TAB3: variants seen among roughly 807,000 people sequenced by gnomAD.
The protein encoded by TAB3 is TGF-beta activated kinase 1 (MAP3K7) binding protein 3.
In TAB3, 18 loss-of-function variants were observed where a neutral mutation model predicts 48.1. That is an observed-to-expected ratio of 0.37 (90% CI 0.26 to 0.55). The LOEUF (loss-of-function observed/expected upper bound fraction) is 0.55, where lower values mean the gene tolerates loss of function less well. TAB3 is among the 20% of genes least tolerant of loss of function. TAB3 has a pLI of 0.78. For synonymous variants in TAB3, 185 were observed against 190.2 expected (o/e 0.97, Z 0.22); for missense variants, 414 against 549.8 (o/e 0.75, Z 2.47).
rs1480676076 is a variant in TAB3 at position 30,828,557 on chromosome X, T to C, written c.*2870A>G. On this transcript the variant is annotated 3_prime_UTR_variant, in exon 11 of 11. Coordinates refer to ENST00000288422, the MANE Select transcript of TAB3 (RefSeq NM_152787.5). ...GCTTAAAAAGTTTCTGGCTCCTCTA[T>C]TACCATTTTAAACTTTTAAAAACTA... 8.9e-6 allele frequency: 1 copy of C among 112,787 alleles called. No homozygotes were observed. The highest frequency in any genetic ancestry group is 1.9e-5 in the Non-Finnish European group (1 of 53,490). 9.3% of individuals were successfully genotyped at this position (112,787 alleles called of 1,213,427 possible).
intron 2 of TAB3, among the ~76,000 whole-genome samples, chrX:30,869,639 C>G (rs1406911578): frequency 1.8e-5 from 2 of 112,101 alleles, no homozygotes; most frequent in South Asian, 3.7e-4. Context: ...CTAATTTGCT[C>G]TGGTCAAGGT....
In TAB3 at chrX:30,834,076, A is replaced by G. The variant is rs1287880589; in HGVS notation, c.1965T>C (p.His655=). The change falls in exon 10 of 11, where the codon CAT becomes CAC. Residue 655 remains histidine (H), a synonymous_variant. Transcript: ENST00000288422. ...SVTSKVQADI[H]DTQAAAADEH... Reference sequence around the variant, plus strand: ...CATCTGCAGCTGCTGCCTGGGTGTCATGGATGTCTGCCTGTACTTTGGAGG... The same window carrying G: ...CATCTGCAGCTGCTGCCTGGGTGTCGTGGATGTCTGCCTGTACTTTGGAGG... 2 of 1,209,770 alleles carry G rather than the reference A, an allele frequency of 1.7e-6. No individual in the cohort carries two copies. Among genetic ancestry groups the G allele is most frequent in the African/African-American group, 1.7e-5 (1 of 57,154 alleles).
At chrX:30,851,556 T>A (rs2147354314) in intron 7 of TAB3, among the ~76,000 whole-genome samples, 1 of 112,314 alleles carries the variant, frequency 8.9e-6, no homozygotes, top group Admixed American at 9.5e-5. Flanking sequence ...TGATGAAAGC[T>A]ATAGACCCAC....
intron 5 of TAB3, 94 bp downstream of exon 5, chrX:30,859,393 A>ACAC: frequency 2.4e-6 from 1 of 425,243 alleles, no homozygotes. Context: ...CACACACACA[A>ACAC]GAAAACATAC....
intron 8 of TAB3, chrX:30,844,786 C>T (rs1938567284): frequency 1.8e-5 from 2 of 112,022 alleles, no homozygotes; most frequent in South Asian, 3.7e-4. Context: ...CAGATAATGC[C>T]GTGTCTTTTG....
rs764378779 is a variant in TAB3, at chrX:30,852,950, T to C, written c.1550-12A>G. 3.4e-5 allele frequency: 41 copies of C among 1,206,988 alleles called. No homozygotes were observed. The East Asian group carries it at 4.1e-4, about 12-fold the overall frequency. On this transcript the variant is annotated splice_polypyrimidine_tract_variant and intron_variant, in intron 6 of 10. Transcript: ENST00000288422. ...ATGTAACAGCAAGGCTACAGCATTA[T>C]AGATAATGTCATTGCAGAGAACAAC...
At chrX:30,848,794 G>T (rs1938724344) in intron 7 of TAB3, among the ~76,000 whole-genome samples, 1 of 111,401 alleles carries the variant, frequency 9.0e-6, no homozygotes, top group African/African-American at 3.3e-5. Context: ...AATAAAAAAT[G>T]GTAAGCTTTT....
chrX:30,849,518 A>G (rs1432125061), intron 7 of TAB3, among the ~76,000 whole-genome samples: 3 of 112,752 alleles, frequency 2.7e-5, no homozygotes, highest in Non-Finnish European at 3.7e-5. Context: ...GGGTATTCCT[A>G]TACACAAGTG....
intron 1 of TAB3, among the ~76,000 whole-genome samples, chrX:30,884,406 G>A (rs768080890): frequency 2.7e-5 from 3 of 111,053 alleles, no homozygotes; most frequent in East Asian, 2.8e-4. Flanking sequence ...GAGGGAACAG[G>A]TCAGAGATTA....
chrX:30,881,966 C>A, intron 1 of TAB3, among the ~76,000 whole-genome samples: 1 of 112,158 alleles, frequency 8.9e-6, no homozygotes, highest in Non-Finnish European at 1.9e-5. Context: ...AAATTAATTT[C>A]TTTGCCATCC....
rs1205549463 is a variant in TAB3, at chrX:30,828,903, T to C, written c.*2524A>G. On this transcript the variant is annotated 3_prime_UTR_variant, in exon 11 of 11. Transcript: ENST00000288422. ...GGTGAATTCTTGTTCAAACTGGTCA[T>C]AGGCAAAAAGCAGTCTACATATGGG... 8.9e-6 allele frequency: 1 copy of C among 112,207 alleles called. No individual in the cohort carries two copies. Among genetic ancestry groups the C allele is most frequent in the Non-Finnish European group, 1.9e-5 (1 of 53,287 alleles). The allele number at this position is 112,207 out of a possible 1,213,427, so 9.2% of individuals were successfully genotyped here.
intron 4 of TAB3, among the ~76,000 whole-genome samples, chrX:30,866,222 C>A (rs1401095527): frequency 9.0e-6 from 1 of 111,173 alleles, no homozygotes; most frequent in Non-Finnish European, 1.9e-5. Flanking sequence ...AAACTTAACA[C>A]CCCCCACAAA....
intron 1 of TAB3, among the ~76,000 whole-genome samples, chrX:30,882,776 G>C (rs899411803): frequency 9.0e-6 from 1 of 111,687 alleles, no homozygotes; most frequent in African/African-American, 3.3e-5. Flanking sequence ...TGAGATTCTG[G>C]TAAAATCGAG....
At chrX:30,843,110 T>C (rs1938508091) in intron 8 of TAB3, 61 bp from the exon 9 acceptor site, 2 of 676,204 alleles carry the variant, frequency 3.0e-6, no homozygotes, top group Non-Finnish European at 4.4e-6. Context: ...ATTTGATTTT[T>C]TTTTAAAGAA....
chrX:30,854,238 C>T lies in TAB3; in HGVS notation c.1427G>A (p.Arg476His), dbSNP rs761956021. 1.7e-5 allele frequency: 21 copies of T among 1,209,640 alleles called. No individual in the cohort carries two copies. The highest frequency in any genetic ancestry group is 8.8e-5 in the Admixed American group (4 of 45,688). ...CTGAATAGGTTCTGGTGCTGCAGAG[C>T]GCTCTTCTTGGTCCACTAAATTTAA... ...NLLNLVDQEE[R>H]SAAPEPIQPI... The change falls in exon 6 of 11, where the codon CGC becomes CAC. Residue 476 changes from arginine (R) to histidine (H), a missense_variant. Arg to His is a conservative substitution (Grantham distance 29, BLOSUM62 0). Coordinates refer to ENST00000288422, the MANE Select transcript of TAB3 (RefSeq NM_152787.5).
intron 10 of TAB3, among the ~76,000 whole-genome samples, chrX:30,833,321 C>T (rs769106703): frequency 9.1e-6 from 1 of 109,946 alleles, no homozygotes; most frequent in East Asian, 2.9e-4. Flanking sequence ...TTTAAAAGAA[C>T]AATATGCCCA....
At position 30,830,178 on chromosome X, in the gene TAB3, T is replaced by C. The variant is rs753472812; in HGVS notation, c.*1249A>G. Reference sequence around the variant, plus strand: ...ATCTGAACTGCCTGTAGAGACTCAATTGACCTCTAGATACAGTTATGTTAA... The same window carrying C: ...ATCTGAACTGCCTGTAGAGACTCAACTGACCTCTAGATACAGTTATGTTAA... On this transcript the variant is annotated 3_prime_UTR_variant, in exon 11 of 11. Transcript: ENST00000288422. The C allele has an allele frequency of 8.9e-6, 1 of 111,923 alleles. No individual in the cohort carries two copies. Among genetic ancestry groups the C allele is most frequent in the African/African-American group, 3.2e-5 (1 of 30,812 alleles). The allele number at this position is 111,923 out of a possible 1,213,427, so 9.2% of individuals were successfully genotyped here.
chrX:30,859,826 C>A (rs1326627951), intron 4 of TAB3, 148 bp from the exon 5 acceptor site: 3 of 380,048 alleles, frequency 7.9e-6, no homozygotes, highest in Non-Finnish European at 1.3e-5. Flanking sequence ...CTTGCCTCTC[C>A]CCTCCACAAT....
chrX:30,859,265 G>C (rs1035993100), intron 5 of TAB3, among the ~76,000 whole-genome samples: 2 of 109,361 alleles, frequency 1.8e-5, no homozygotes, highest in Admixed American at 2.0e-4. Context: ...TGCCTAGAAC[G>C]TTTAGTAATT....
Sources: allele counts gnomAD v4.1 joint callset (sites outside exome capture counted in the v4.1 genomes callset), GRCh38; gene constraint gnomAD v4.1.1; transcripts MANE v1.5; gene names NCBI Gene and HGNC (gene_info 2026-07-23, HGNC 2026-07-21).